Variants in CIMAP2 observed in about 807,000 individuals in gnomAD.
The protein encoded by CIMAP2 is ciliary microtubule-associated protein 2.
the CIMAP2 span, among the ~76,000 whole-genome samples, chr1:54,834,900 C>T: frequency 1.3e-5 from 2 of 152,130 alleles, no homozygotes. Context: ...CAACCTGTAC[C>T]ACTAATGGTT....
At chr1:54,812,883 C>T in the CIMAP2 span, among the ~76,000 whole-genome samples, 2 of 152,154 alleles carry the variant, frequency 1.3e-5, no homozygotes, top group African/African-American at 4.8e-5. Flanking sequence ...AAAAAATTAT[C>T]GAGTGTGAGC....
chr1:54,812,193 T>G, the CIMAP2 span: 1 of 1,614,156 alleles, frequency 6.2e-7, no homozygotes, highest in Non-Finnish European at 8.5e-7. Context: ...CATGCAGGTG[T>G]GTACCCAGGG....
chr1:54,830,672 C>T, the CIMAP2 span, among the ~76,000 whole-genome samples: 1 of 152,168 alleles, frequency 6.6e-6, no homozygotes, highest in Non-Finnish European at 1.5e-5. The surrounding 1 kb of genome is among the most constrained non-coding windows in gnomAD (Gnocchi z 4.1). Context: ...GGGAGAGAAA[C>T]TGATATTATA....
chr1:54,826,789 G>A, the CIMAP2 span, among the ~76,000 whole-genome samples: 1 of 152,192 alleles, frequency 6.6e-6, no homozygotes, highest in Non-Finnish European at 1.5e-5. Flanking sequence ...CAGCTGCTTC[G>A]CTTCCTTCTC....
chr1:54,834,350 C>T, the CIMAP2 span, among the ~76,000 whole-genome samples: 1 of 152,150 alleles, frequency 6.6e-6, no homozygotes, highest in African/African-American at 2.4e-5. Flanking sequence ...TGAGTCAGTA[C>T]ATTAATTAAT....
At chr1:54,840,532 G>A in the CIMAP2 span, among the ~76,000 whole-genome samples, 1 of 152,296 alleles carries the variant, frequency 6.6e-6, no homozygotes, top group East Asian at 1.9e-4. Context: ...TTTGGTGGGT[G>A]TGTGTATAAC....
At chr1:54,815,159 T>C in the CIMAP2 span, 3 of 1,431,620 alleles carry the variant, frequency 2.1e-6, no homozygotes, top group Non-Finnish European at 2.8e-6. Flanking sequence ...TCCCCTTTCT[T>C]TTCCCCAAGG....
At chr1:54,818,811 T>C in the CIMAP2 span, among the ~76,000 whole-genome samples, 1 of 152,146 alleles carries the variant, frequency 6.6e-6, no homozygotes, top group Non-Finnish European at 1.5e-5. Flanking sequence ...CAGGCTGGTC[T>C]TGAACTCCTG....
At chr1:54,807,607 T>C in the CIMAP2 span, 3 of 1,609,986 alleles carry the variant, frequency 1.9e-6, no homozygotes, top group Non-Finnish European at 2.5e-6. Flanking sequence ...GGACACAGGC[T>C]GGGCCAAGGC....
chr1:54,812,167 C>T, the CIMAP2 span: 3 of 1,614,120 alleles, frequency 1.9e-6, no homozygotes, highest in South Asian at 3.3e-5. Flanking sequence ...AAGCCACTGC[C>T]TTATGGGCAC....
At chr1:54,813,743 C>A in the CIMAP2 span, 4 of 1,474,446 alleles carry the variant, frequency 2.7e-6, no homozygotes, top group Non-Finnish European at 3.6e-6. Flanking sequence ...TCTCTGGTTG[C>A]GGGGGAGGGT....
chr1:54,819,863 TCCTC>T, the CIMAP2 span, among the ~76,000 whole-genome samples: 1 of 99,098 alleles, frequency 1.0e-5, no homozygotes. Context: ...CTTCCTTCCT[TCCTC>T]TCTTTCTTCC....
the CIMAP2 span, among the ~76,000 whole-genome samples, chr1:54,817,966 G>T: frequency 6.6e-5 from 10 of 152,244 alleles, 1 homozygote; most frequent in African/African-American, 2.2e-4. Context: ...TTTCCTTTCT[G>T]CACATCTGAT....
the CIMAP2 span, among the ~76,000 whole-genome samples, chr1:54,836,125 A>G: frequency 6.6e-6 from 1 of 152,020 alleles, no homozygotes; most frequent in African/African-American, 2.4e-5. Flanking sequence ...TCTGGGACAC[A>G]GAAGTCAGGT....
the CIMAP2 span, among the ~76,000 whole-genome samples, chr1:54,837,249 G>T: frequency 1.3e-5 from 2 of 152,004 alleles, no homozygotes; most frequent in Non-Finnish European, 2.9e-5. Flanking sequence ...CCCATAGGTA[G>T]CCTGGACTCC....
chr1:54,830,285 C>T, the CIMAP2 span, among the ~76,000 whole-genome samples: 37 of 152,180 alleles, frequency 2.4e-4, no homozygotes, highest in African/African-American at 4.6e-4. This position sits in a 1 kb window ranked among gnomAD's most constrained non-coding sequence, Gnocchi z 4.1. Flanking sequence ...TGCAATGGCG[C>T]GATCTCAGCT....
At chr1:54,808,155 A>C in the CIMAP2 span, 1 of 829,828 alleles carries the variant, frequency 1.2e-6, no homozygotes, top group South Asian at 3.0e-5. Context: ...ACTGTCCTAG[A>C]CCTTGGGGAT....
chr1:54,812,332 G>C, the CIMAP2 span: 2 of 1,274,486 alleles, frequency 1.6e-6, no homozygotes, highest in East Asian at 5.1e-5. Flanking sequence ...CTCACAGCCA[G>C]GGCTGGATCC....
chr1:54,836,190 A>G, the CIMAP2 span, among the ~76,000 whole-genome samples: 1 of 151,990 alleles, frequency 6.6e-6, no homozygotes, highest in African/African-American at 2.4e-5. Flanking sequence ...CTCCAAGGGA[A>G]GGCAGTCGGG....
Sources: allele counts gnomAD v4.1 joint callset (sites outside exome capture counted in the v4.1 genomes callset), GRCh38; gene constraint gnomAD v4.1.1; non-coding constraint Gnocchi (gnomAD v3.1); transcripts MANE v1.5; gene names NCBI Gene and HGNC (gene_info 2026-07-23, HGNC 2026-07-21).